Variants in DLGAP1 observed in about 807,000 individuals in gnomAD.
The protein encoded by DLGAP1 is disks large-associated protein 1.
DLGAP1 carries 11 observed loss-of-function variants against 90.8 expected under a neutral mutation model. That is an observed-to-expected ratio of 0.12 (90% CI 0.08 to 0.20). The LOEUF (loss-of-function observed/expected upper bound fraction) is 0.20, where lower values mean the gene tolerates loss of function less well. DLGAP1 is among the 10% of genes least tolerant of loss of function. DLGAP1 has a pLI of 1.00. For missense variants in DLGAP1, 1,050 were observed against 1,333.8 expected, an observed-to-expected ratio of 0.79 and a Z score of 3.31; for synonymous variants, 558 against 540.7, an observed-to-expected ratio of 1.03 and a Z score of -0.44.
At chr18:3,772,395 T>TCCTTCCTTC (rs2064707507) in intron 5 of DLGAP1, among the ~76,000 whole-genome samples, 1 of 32,044 alleles carries the variant, frequency 3.1e-5, no homozygotes, top group African/African-American at 8.2e-5. Flanking sequence ...TTTCTTTCTT[T>TCCTTCCTTC]CTTTCTTTCT....
intron 7 of DLGAP1, among the ~76,000 whole-genome samples, chr18:3,669,368 C>T (rs111575514): frequency 1.3e-5 from 2 of 152,126 alleles, no homozygotes; most frequent in African/African-American, 2.4e-5. Flanking sequence ...GCACTCCTGC[C>T]TTCCTGCCCA....
intron 1 of DLGAP1, among the ~76,000 whole-genome samples, chr18:4,225,018 C>T (rs2078156888): frequency 6.6e-6 from 1 of 152,032 alleles, no homozygotes; most frequent in Admixed American, 6.6e-5. Flanking sequence ...CACATGCATG[C>T]ACACACAGAT....
At position 3,660,708 on chromosome 18, in the gene DLGAP1, T is replaced by C. The variant is rs1167824336; in HGVS notation, c.1591+68427A>G. Reference sequence around the variant, plus strand: ...AAAATCTATGTGCAGAGTGAATACATATAACTTGCAGTAAATATTTAGGTG... The same window carrying C: ...AAAATCTATGTGCAGAGTGAATACACATAACTTGCAGTAAATATTTAGGTG... On this transcript the variant is annotated intron_variant, in intron 7 of 12. Transcript: ENST00000315677. The surrounding 1 kb of genome is among the most constrained non-coding windows in gnomAD (Gnocchi z 4.2). Among the ~76,000 whole-genome samples, 4 of 152,256 alleles carry C rather than the reference T, an allele frequency of 2.6e-5. No individual in the cohort carries two copies. Among genetic ancestry groups the C allele is most frequent in the Non-Finnish European group, 5.9e-5 (4 of 68,048 alleles).
intron 5 of DLGAP1, among the ~76,000 whole-genome samples, chr18:3,810,661 C>G (rs955744020): frequency 6.6e-6 from 1 of 152,102 alleles, no homozygotes; most frequent in Non-Finnish European, 1.5e-5. Flanking sequence ...CTTCAAACTT[C>G]TAGAAAAATA....
At chr18:4,086,913 T>C (rs1017836216) in intron 2 of DLGAP1, among the ~76,000 whole-genome samples, 1 of 151,534 alleles carries the variant, frequency 6.6e-6, no homozygotes, top group Admixed American at 6.6e-5. Context: ...CTTTTAGTTC[T>C]ATTAGTTTTT....
At chr18:3,580,205 C>T in intron 8 of DLGAP1, 1 of 1,565,174 alleles carries the variant, frequency 6.4e-7, no homozygotes. Context: ...CAAAGTCAAA[C>T]CTCCGGGTGG....
At chr18:4,131,173 T>C (rs1000506008) in intron 2 of DLGAP1, among the ~76,000 whole-genome samples, 2 of 152,110 alleles carry the variant, frequency 1.3e-5, no homozygotes, top group African/African-American at 4.8e-5. Flanking sequence ...CTCCAGTTTA[T>C]GAGCTTCAGG....
At chr18:4,229,080 T>G (rs1217544346) in intron 1 of DLGAP1, among the ~76,000 whole-genome samples, 3 of 151,970 alleles carry the variant, frequency 2.0e-5, no homozygotes, top group Non-Finnish European at 4.4e-5. Flanking sequence ...ATAATTCCAC[T>G]GATAATTGCT....
At chr18:3,798,638 A>G (rs866106554) in intron 5 of DLGAP1, among the ~76,000 whole-genome samples, 1 of 152,126 alleles carries the variant, frequency 6.6e-6, no homozygotes, top group Non-Finnish European at 1.5e-5. Flanking sequence ...ATCGTTGTCT[A>G]TTCCCTCTAA....
chr18:4,133,856 C>T (rs1002232945), intron 2 of DLGAP1, among the ~76,000 whole-genome samples: 3 of 151,620 alleles, frequency 2.0e-5, no homozygotes, highest in Admixed American at 6.6e-5. Context: ...GGTGGCTGGT[C>T]GAGAGGATGT....
At chr18:4,080,935 C>T (rs541233307) in intron 2 of DLGAP1, among the ~76,000 whole-genome samples, 2 of 151,170 alleles carry the variant, frequency 1.3e-5, no homozygotes, top group East Asian at 4.0e-4. Flanking sequence ...GTAGCCCAGG[C>T]TGGAGTGCAA....
intron 2 of DLGAP1, among the ~76,000 whole-genome samples, chr18:4,059,651 T>C (rs1298439708): frequency 2.6e-5 from 4 of 152,026 alleles, no homozygotes; most frequent in Admixed American, 2.6e-4. Flanking sequence ...GTGGAGGTTA[T>C]GGTGAGCCAA....
chr18:3,510,665 G>A (rs2050489810), intron 10 of DLGAP1, among the ~76,000 whole-genome samples: 1 of 152,188 alleles, frequency 6.6e-6, no homozygotes, highest in South Asian at 2.1e-4. Context: ...ATCCTGGGAG[G>A]TTATGACCAG....
chr18:4,182,719 ATAAT>A (rs1160834962), intron 1 of DLGAP1, among the ~76,000 whole-genome samples: 1 of 152,092 alleles, frequency 6.6e-6, no homozygotes, highest in Admixed American at 6.6e-5. Context: ...GGTTGAGATA[ATAAT>A]TATTCTTCTT....
At chr18:3,785,395 A>C (rs1184180831) in intron 5 of DLGAP1, among the ~76,000 whole-genome samples, 1 of 152,194 alleles carries the variant, frequency 6.6e-6, no homozygotes, top group Non-Finnish European at 1.5e-5. Context: ...GGCTGACAAA[A>C]AGCAGATTAA....
At chr18:4,175,877 T>A (rs2077098712) in intron 1 of DLGAP1, among the ~76,000 whole-genome samples, 1 of 152,194 alleles carries the variant, frequency 6.6e-6, no homozygotes, top group Non-Finnish European at 1.5e-5. Flanking sequence ...TCTAGCTTTG[T>A]TCTTTTTGCT....
At chr18:4,047,222 T>G (rs1320982905) in intron 2 of DLGAP1, among the ~76,000 whole-genome samples, 1 of 152,228 alleles carries the variant, frequency 6.6e-6, no homozygotes, top group Non-Finnish European at 1.5e-5. Context: ...CTCAGGCAAT[T>G]TTCAGACAAA....
intron 1 of DLGAP1, among the ~76,000 whole-genome samples, chr18:4,186,068 C>T (rs570933206): frequency 1.3e-5 from 2 of 149,966 alleles, no homozygotes; most frequent in African/African-American, 4.8e-5. Context: ...TTATTGGCCT[C>T]ATGTATGTCC....
chr18:4,192,866 AG>A (rs2144745540), intron 1 of DLGAP1, among the ~76,000 whole-genome samples: 2 of 152,330 alleles, frequency 1.3e-5, no homozygotes, highest in African/African-American at 4.8e-5. Context: ...GGTTGACAGA[AG>A]TTGTTCACGT....
Sources: gnomAD v4.1 joint callset for allele counts (sites outside exome capture counted in the v4.1 genomes callset) on GRCh38, gnomAD v4.1.1 for gene constraint, Gnocchi (gnomAD v3.1) non-coding constraint, MANE v1.5 for transcripts, NCBI Gene and HGNC (gene_info 2026-07-23, HGNC 2026-07-21) for gene names.